The following TMEM74 variants were observed in gnomAD, a reference collection of about 807,000 sequenced individuals.
TMEM74 encodes the protein transmembrane protein 74.
Under a neutral mutation model 18.1 loss-of-function variants are expected in TMEM74, and 13 were observed. The observed-to-expected ratio is 0.72, with a 90% CI of 0.47 to 1.14. TMEM74 has a LOEUF of 1.14. Among genes scored for constraint, TMEM74 ranks in the 50% most tolerant of loss-of-function variants. The probability of loss-of-function intolerance (pLI) is 0.00; values close to 1 mark genes in which losing one functional copy is unlikely to be tolerated. For missense variants in TMEM74, 372 were observed against 375.9 expected (o/e 0.99, Z 0.09); for synonymous variants, 159 against 146.6 (o/e 1.08, Z -0.61).
rs559291751 is a variant in TMEM74 at position 108,620,323 on chromosome 8, C to A, written n.265-11497G>T. Among the ~76,000 whole-genome samples, 226 of 152,102 alleles carry A rather than the reference C, an allele frequency of 1.5e-3. 5 individuals carry two copies. In the South Asian group the frequency reaches 0.045, roughly 30 times the overall value. On this transcript the variant is annotated intron_variant and non_coding_transcript_variant, in intron 2 of 3. Transcript: ENST00000518838. ...ATGTAGAATTTCCAGGAGGTTAATA[C>A]AACAGATCAGCAGATATCTCTGCAC...
chr8:108,782,777 C>T lies in TMEM74; in HGVS notation c.*1404G>A, dbSNP rs1300647242. Among the ~76,000 whole-genome samples the T allele has an allele frequency of 6.6e-6, 1 of 152,212 alleles. No individual in the cohort carries two copies. The highest frequency in any genetic ancestry group is 2.4e-5 in the African/African-American group (1 of 41,458). On this transcript the variant is annotated 3_prime_UTR_variant, in exon 2 of 2. Transcript: ENST00000297459. ...GAATGACCCCCTGATCCTGGTAACACAATCATGGAAGTTACAACAACTCTT... is the reference window on the plus strand; with the variant it reads ...GAATGACCCCCTGATCCTGGTAACATAATCATGGAAGTTACAACAACTCTT...
intron 1 of TMEM74, among the ~76,000 whole-genome samples, chr8:108,700,308 G>C (rs1220812622): frequency 6.6e-6 from 1 of 152,088 alleles, no homozygotes; most frequent in African/African-American, 2.4e-5. Flanking sequence ...ACTTAGAAGG[G>C]AAAGCTATTC....
chr8:108,672,505 T>C (rs1813013524), intron 1 of TMEM74, among the ~76,000 whole-genome samples: 1 of 152,208 alleles, frequency 6.6e-6, no homozygotes, highest in Non-Finnish European at 1.5e-5. Context: ...CTTAGGACTA[T>C]GTTGTGGGGA....
intron 1 of TMEM74, among the ~76,000 whole-genome samples, chr8:108,728,813 A>G (rs558544157): frequency 6.6e-6 from 1 of 152,344 alleles, no homozygotes; most frequent in Non-Finnish European, 1.5e-5. Flanking sequence ...ACAGACTCTC[A>G]ACAAATACTT....
At chr8:108,704,341 C>T (rs1484479410) in intron 1 of TMEM74, among the ~76,000 whole-genome samples, 1 of 152,194 alleles carries the variant, frequency 6.6e-6, no homozygotes, top group African/African-American at 2.4e-5. Flanking sequence ...TCATCTCTTT[C>T]CTATTTCCTG....
intron 1 of TMEM74, among the ~76,000 whole-genome samples, chr8:108,761,146 GA>G (rs1400747707): frequency 9.2e-5 from 14 of 151,996 alleles, no homozygotes; most frequent in Non-Finnish European, 2.1e-4. Flanking sequence ...CAGTATAACT[GA>G]AACTAAATAT....
chr8:108,657,861 T>A (rs9774085), intron 1 of TMEM74, among the ~76,000 whole-genome samples: 1,566 of 42,996 alleles, frequency 0.036, 328 homozygotes, highest in African/African-American at 0.04. Flanking sequence ...AAAAAAAAAA[T>A]ATATATATAT....
intron 1 of TMEM74, among the ~76,000 whole-genome samples, chr8:108,732,055 T>C (rs1813700830): frequency 6.6e-6 from 1 of 152,178 alleles, no homozygotes; most frequent in Non-Finnish European, 1.5e-5. Flanking sequence ...TCCCCTCCCA[T>C]TCTCAATTCC....
intron 1 of TMEM74, among the ~76,000 whole-genome samples, chr8:108,715,163 GGCATATAAACATGTTTA>G (rs1299814660): frequency 6.6e-6 from 1 of 151,232 alleles, no homozygotes; most frequent in Non-Finnish European, 1.5e-5. Context: ...TATGCCATTT[GGCATATAAACATGTTTA>G]GTGATTTATA....
At chr8:108,684,821 T>C (rs1413862073) in intron 1 of TMEM74, among the ~76,000 whole-genome samples, 1 of 151,946 alleles carries the variant, frequency 6.6e-6, no homozygotes, top group East Asian at 1.9e-4. Flanking sequence ...AGTACCATGC[T>C]GTTATGGTTA....
intron 1 of TMEM74, among the ~76,000 whole-genome samples, chr8:108,664,994 T>C (rs1486555148): frequency 6.6e-6 from 1 of 151,632 alleles, no homozygotes; most frequent in Non-Finnish European, 1.5e-5. Flanking sequence ...AAATTGTACC[T>C]GGTTTGATCC....
intron 1 of TMEM74, among the ~76,000 whole-genome samples, chr8:108,658,958 A>C (rs1181039545): frequency 6.6e-6 from 1 of 152,186 alleles, no homozygotes; most frequent in Non-Finnish European, 1.5e-5. Context: ...GATGATAGCT[A>C]GAAGATGGCA....
At chr8:108,684,773 G>A (rs1054999219) in intron 1 of TMEM74, among the ~76,000 whole-genome samples, 1 of 151,146 alleles carries the variant, frequency 6.6e-6, no homozygotes, top group Non-Finnish European at 1.5e-5. Flanking sequence ...TGAGAGGCGG[G>A]GGGTTCTAAA....
At chr8:108,752,677 G>A (rs1813915370) in intron 1 of TMEM74, among the ~76,000 whole-genome samples, 1 of 152,006 alleles carries the variant, frequency 6.6e-6, no homozygotes, top group South Asian at 2.1e-4. Flanking sequence ...AACAATTTCT[G>A]TCATTTCAAA....
intron 1 of TMEM74, among the ~76,000 whole-genome samples, chr8:108,729,884 A>G (rs895179040): frequency 6.6e-6 from 1 of 152,198 alleles, no homozygotes; most frequent in Non-Finnish European, 1.5e-5. Context: ...TAATTTGCAG[A>G]AACAGAGTGT....
chr8:108,717,696 T>C (rs1019405653), intron 1 of TMEM74, among the ~76,000 whole-genome samples: 3 of 151,822 alleles, frequency 2.0e-5, no homozygotes, highest in African/African-American at 4.8e-5. Context: ...GAGGGAATGG[T>C]CATGTGGGGA....
chr8:108,683,675 A>G (rs112662042), intron 1 of TMEM74, among the ~76,000 whole-genome samples: 4,457 of 152,090 alleles, frequency 0.029, 119 homozygotes, highest in African/African-American at 0.066. Context: ...TCAGACCAGG[A>G]TAAATTAGTC....
At chr8:108,728,675 T>C (rs938254977) in intron 1 of TMEM74, among the ~76,000 whole-genome samples, 4 of 152,210 alleles carry the variant, frequency 2.6e-5, no homozygotes, top group African/African-American at 9.6e-5. Flanking sequence ...AAAATTTTCC[T>C]TTTGTATAGA....
chr8:108,708,211 C>CT (rs1489935913), intron 1 of TMEM74, among the ~76,000 whole-genome samples: 1 of 149,808 alleles, frequency 6.7e-6, no homozygotes, highest in East Asian at 2.0e-4. Context: ...TGATCTCATT[C>CT]TTTTTTATGG....
Sources: gnomAD v4.1 joint callset for allele counts (sites outside exome capture counted in the v4.1 genomes callset) on GRCh38, gnomAD v4.1.1 for gene constraint, MANE v1.5 for transcripts, NCBI Gene and HGNC (gene_info 2026-07-23, HGNC 2026-07-21) for gene names.